Variants in CD86 observed in about 807,000 individuals in gnomAD.
The protein encoded by CD86 is T-lymphocyte activation antigen CD86.
CD86 carries 11 observed loss-of-function variants against 32.1 expected under a neutral mutation model. The observed-to-expected ratio is 0.34, with a 90% CI of 0.22 to 0.57. The LOEUF is 0.57. Ranked by LOEUF, CD86 falls within the 20% of genes least tolerant of loss-of-function variation. The pLI is 0.86. For missense variants in CD86, 359 were observed against 398.4 expected (o/e 0.90, Z 0.84); for synonymous variants, 137 against 135.3 (o/e 1.01, Z -0.09).
rs79213541 is a variant in CD86, at chr3:122,075,107, A to G, written c.15-16494A>G. ...ATGACTTGACATGTGAAAAAAAAAA[A>G]AGCCGTGGTCAGCAACCCCCTGCAA... On this transcript the variant is annotated intron_variant, in intron 1 of 6. Transcript: ENST00000330540. Among the ~76,000 whole-genome samples, 4 of 152,074 alleles carry G rather than the reference A, an allele frequency of 2.6e-5. No individual in the cohort carries two copies. In the East Asian group the frequency reaches 7.7e-4, roughly 29 times the overall value.
intron 2 of CD86, among the ~76,000 whole-genome samples, chr3:122,095,642 G>A (rs1474819432): frequency 6.6e-6 from 1 of 152,186 alleles, no homozygotes; most frequent in Non-Finnish European, 1.5e-5. Flanking sequence ...ATCACCTGGA[G>A]GTGAATAGAC....
In CD86 at chr3:122,109,385, G is replaced by A. The variant is rs373228315; in HGVS notation, c.824G>A (p.Arg275Gln). The A allele has an allele frequency of 5.3e-5, 85 of 1,613,952 alleles. No homozygotes were observed. Among genetic ancestry groups the A allele is most frequent in the African/African-American group, 4.1e-4 (31 of 74,994 alleles). The change falls in exon 5 of 7, where the codon CGG becomes CAG. Residue 275 changes from arginine (R) to glutamine (Q), a missense_variant. By Grantham distance (43) the Arg-to-Gln change is conservative (BLOSUM62 1). Transcript: ENST00000330540. ...CTATGGAAATGGAAGAAGAAGAAGC[G>A]GCCTCGCAACTCTTATAAATGTGGT... ...LILWKWKKKK[R>Q]PRNSYKCGTN...
intron 1 of CD86, among the ~76,000 whole-genome samples, chr3:122,090,314 A>C (rs2072794205): frequency 6.6e-6 from 1 of 152,234 alleles, no homozygotes; most frequent in Admixed American, 6.5e-5. Flanking sequence ...TCTAGACAAC[A>C]CCGTCTGGGG....
At chr3:122,094,031 C>T (rs746344796) in intron 2 of CD86, among the ~76,000 whole-genome samples, 11 of 152,314 alleles carry the variant, frequency 7.2e-5, no homozygotes, top group Non-Finnish European at 1.2e-4. Flanking sequence ...CTGCCTCATC[C>T]GTGTTCATCC....
intron 5 of CD86, among the ~76,000 whole-genome samples, chr3:122,114,748 A>G (rs1203895531): frequency 6.6e-6 from 1 of 152,222 alleles, no homozygotes; most frequent in African/African-American, 2.4e-5. Context: ...TAAACTAAAA[A>G]GAAAAAAACA....
chr3:122,101,292 T>C (rs1367014061), intron 2 of CD86, among the ~76,000 whole-genome samples: 1 of 151,820 alleles, frequency 6.6e-6, no homozygotes, highest in African/African-American at 2.4e-5. Flanking sequence ...AGATTCCGTG[T>C]TTCAGACCAG....
Position 122,119,795 on chromosome 3 carries a change from C to T in CD86, c.*261C>T, listed in dbSNP as rs1413549867. 3.3e-6 allele frequency: 1 copy of T among 304,534 alleles called. No individual in the cohort carries two copies. Among genetic ancestry groups the T allele is most frequent in the Admixed American group, 4.9e-5 (1 of 20,204 alleles). 18.9% of individuals were successfully genotyped at this position (304,534 alleles called of 1,614,324 possible). ...CCAAGCCCAGCTTAATGGCTCATGA[C>T]CTGGAAATAAAATTTAGGACCAATA... On this transcript the variant is annotated 3_prime_UTR_variant, in exon 7 of 7. Transcript: ENST00000330540.
chr3:122,065,024 T>C (rs905210720), intron 1 of CD86, among the ~76,000 whole-genome samples: 1 of 152,192 alleles, frequency 6.6e-6, no homozygotes, highest in Non-Finnish European at 1.5e-5. Flanking sequence ...CTATATTGTA[T>C]CATATATGAT....
Position 122,115,719 on chromosome 3 carries a change from A to G in CD86, c.848-2329A>G, listed in dbSNP as rs560167939. ...CGTGCCATTGCACTCCAGCCTGGGC[A>G]ACAAGAGTGAAACTCCCTCTCAAAA... On this transcript the variant is annotated intron_variant, in intron 5 of 6. Coordinates refer to ENST00000330540, the MANE Select transcript of CD86 (RefSeq NM_175862.5). 3.1e-4 allele frequency among the ~76,000 whole-genome samples: 46 copies of G among 146,420 alleles called. No individual in the cohort carries two copies. In the South Asian group the frequency reaches 9.6e-3, roughly 31 times the overall value.
chr3:122,100,261 A>G (rs1020528366), intron 2 of CD86, among the ~76,000 whole-genome samples: 5 of 152,214 alleles, frequency 3.3e-5, no homozygotes, highest in Admixed American at 2.0e-4. Context: ...ACAAGCAATG[A>G]GAAAGTCAGA....
chr3:122,101,150 G>GA lies in CD86; in HGVS notation c.65-2354dup, dbSNP rs575246278. 5.4e-4 allele frequency among the ~76,000 whole-genome samples: 82 copies of GA among 151,732 alleles called. 1 individual carries two copies. The South Asian group carries it at 0.016, about 30-fold the overall frequency. On this transcript the variant is annotated intron_variant, in intron 2 of 6. Transcript: ENST00000330540. ...GAGGGAGTCTGAGGAGGGATGGATGGAAAAAAAATTTTCATGTCATTTTCT... is the reference window on the plus strand; with the variant it reads ...GAGGGAGTCTGAGGAGGGATGGATGGAAAAAAAAATTTTCATGTCATTTTCT...
At chr3:122,079,287 G>T (rs891023205) in intron 1 of CD86, among the ~76,000 whole-genome samples, 16 of 152,322 alleles carry the variant, frequency 1.1e-4, no homozygotes, top group Middle Eastern at 3.4e-3. Context: ...CTGGGTGGGG[G>T]TGAGGATGGG....
chr3:122,085,969 G>A (rs2072711339), intron 1 of CD86, among the ~76,000 whole-genome samples: 1 of 152,190 alleles, frequency 6.6e-6, no homozygotes, highest in South Asian at 2.1e-4. Context: ...TTCCTCCACA[G>A]AGACTGTGGT....
chr3:122,105,003 A>C (rs1210988137), intron 3 of CD86, among the ~76,000 whole-genome samples: 1 of 152,238 alleles, frequency 6.6e-6, no homozygotes, highest in African/African-American at 2.4e-5. Context: ...ATCAACACCT[A>C]TTCTAAAACC....
chr3:122,090,962 A>G (rs1023796705), intron 1 of CD86, among the ~76,000 whole-genome samples: 1 of 152,154 alleles, frequency 6.6e-6, no homozygotes, highest in African/African-American at 2.4e-5. Context: ...GAGGCCCAGG[A>G]AACTCTCCAG....
rs190545403 is a variant in CD86 at position 122,118,202 on chromosome 3, C to T, written c.893+109C>T. 1,101 of 866,754 alleles carry T rather than the reference C, an allele frequency of 1.3e-3. 2 individuals carry two copies. Among genetic ancestry groups the T allele is most frequent in the Non-Finnish European group, 1.8e-3 (929 of 520,536 alleles). The allele number at this position is 866,754 out of a possible 1,614,324, so 53.7% of individuals were successfully genotyped here. On this transcript the variant is annotated intron_variant, in intron 6 of 6. Coordinates refer to ENST00000330540, the MANE Select transcript of CD86 (RefSeq NM_175862.5). ...ATGTTGAGACCTCAGCAAACCTGAA[C>T]TAATGGAGAGGGAGAGGAAAATAAA...
intron 1 of CD86, among the ~76,000 whole-genome samples, chr3:122,071,956 A>G (rs2072495242): frequency 7.3e-6 from 1 of 136,640 alleles, no homozygotes. Context: ...TTCAACTCCT[A>G]TCTATGAGTG....
intron 2 of CD86, chr3:122,092,272 C>T (rs1367287189): frequency 1.3e-5 from 2 of 152,266 alleles, no homozygotes; most frequent in African/African-American, 4.8e-5. Flanking sequence ...TTTGCACAAC[C>T]CTTTCTAAAT....
At chr3:122,082,644 T>G (rs1377890606) in intron 1 of CD86, among the ~76,000 whole-genome samples, 1 of 152,246 alleles carries the variant, frequency 6.6e-6, no homozygotes, top group Non-Finnish European at 1.5e-5. Context: ...TTACTATGGA[T>G]AGACTATTTC....
Sources: gnomAD v4.1 joint callset for allele counts (sites outside exome capture counted in the v4.1 genomes callset) on GRCh38, gnomAD v4.1.1 for gene constraint, MANE v1.5 for transcripts, NCBI Gene and HGNC (gene_info 2026-07-23, HGNC 2026-07-21) for gene names.